The following LINS1 variants were observed in gnomAD, a reference collection of about 807,000 sequenced individuals.
LINS1 encodes protein Lines homolog 1.
A neutral mutation model predicts 41.6 loss-of-function variants in LINS1; 27 were observed. The observed-to-expected ratio is 0.65, with a 90% CI of 0.48 to 0.89. LINS1 has a LOEUF of 0.89. LINS1 is among the 40% of genes least tolerant of loss of function. LINS1 has a pLI of 0.00. For missense variants in LINS1, 955 were observed against 884.1 expected, an observed-to-expected ratio of 1.08 and a Z score of -1.02; for synonymous variants, 336 against 312.9, an observed-to-expected ratio of 1.07 and a Z score of -0.78.
rs781263458 is a variant in LINS1 at position 100,569,358 on chromosome 15, T to A, written c.2154A>T (p.Glu718Asp). The A allele has an allele frequency of 1.2e-6, 2 of 1,614,164 alleles. No homozygotes were observed. Among genetic ancestry groups the A allele is most frequent in the Admixed American group, 3.3e-5 (2 of 60,022 alleles). Reference protein sequence around the residue: ...IFYRIVKCFQELQDAICRLQK... With the variant: ...IFYRIVKCFQDLQDAICRLQK... ...GCAAACGGCAGATGGCATCTTGTAG[T>A]TCCTGGAAGCATTTTACTATTCTGT... Residue 718 changes from glutamate (E) to aspartate (D), a missense_variant, in exon 7 of 7, where the codon GAA (glutamate) becomes GAT (aspartate). Coordinates refer to ENST00000314742, the MANE Select transcript of LINS1 (RefSeq NM_001040616.3).
chr15:100,593,246 T>C (rs866928982), intron 1 of LINS1, among the ~76,000 whole-genome samples: 3 of 152,174 alleles, frequency 2.0e-5, no homozygotes, highest in South Asian at 2.1e-4. Context: ...GCAGTCTTAC[T>C]AGGTAAGTGA....
At chr15:100,585,609 G>A (rs750663193) in intron 1 of LINS1, among the ~76,000 whole-genome samples, 5 of 152,300 alleles carry the variant, frequency 3.3e-5, no homozygotes, top group South Asian at 4.1e-4. Context: ...TAAAACTGGC[G>A]AGCTTGTATT....
intron 1 of LINS1, among the ~76,000 whole-genome samples, chr15:100,595,366 A>T (rs2039200858): frequency 6.6e-6 from 1 of 152,172 alleles, no homozygotes; most frequent in African/African-American, 2.4e-5. Flanking sequence ...TACAAAATGG[A>T]TCAGACATGC....
intron 1 of LINS1, among the ~76,000 whole-genome samples, chr15:100,596,164 G>A (rs182032732): frequency 6.6e-6 from 1 of 152,162 alleles, no homozygotes; most frequent in African/African-American, 2.4e-5. Context: ...AGGGCTAAAG[G>A]GGGTGCTGGC....
At chr15:100,585,166 G>A (rs574623659) in intron 1 of LINS1, among the ~76,000 whole-genome samples, 75 of 152,324 alleles carry the variant, frequency 4.9e-4, no homozygotes, top group South Asian at 1.0e-3. Flanking sequence ...AACAGCACCA[G>A]TGACCACCTA....
intron 1 of LINS1, among the ~76,000 whole-genome samples, chr15:100,594,172 G>C (rs2039150398): frequency 6.6e-6 from 1 of 152,134 alleles, no homozygotes; most frequent in Non-Finnish European, 1.5e-5. Context: ...TGTGTAAATA[G>C]TTGTTACACT....
chr15:100,601,878 T>A (rs1476886173), intron 1 of LINS1, among the ~76,000 whole-genome samples: 1 of 152,128 alleles, frequency 6.6e-6, no homozygotes, highest in Non-Finnish European at 1.5e-5. Context: ...GAGAGTCCGT[T>A]CTCCCACTTC....
chr15:100,579,639 AG>A (rs1383178021), intron 3 of LINS1, among the ~76,000 whole-genome samples: 2 of 152,202 alleles, frequency 1.3e-5, no homozygotes, highest in Non-Finnish European at 2.9e-5. Context: ...AAGAGATTAT[AG>A]TTGAAAAGTC....
chr15:100,578,796 C>A (rs1005831655), intron 3 of LINS1, among the ~76,000 whole-genome samples: 6 of 152,074 alleles, frequency 3.9e-5, no homozygotes, highest in Non-Finnish European at 7.4e-5. Context: ...CAATGATAGA[C>A]TGGATTAAGA....
In LINS1 at chr15:100,569,729, C is replaced by T. The variant is rs748139359; in HGVS notation, c.1783G>A (p.Asp595Asn). The T allele has an allele frequency of 1.7e-5, 27 of 1,613,544 alleles. No homozygotes were observed. Among genetic ancestry groups the T allele is most frequent in the Non-Finnish European group, 1.4e-5 (16 of 1,179,758 alleles). Reference sequence around the variant, plus strand: ...GCTTTCAGTGGTTCAGAGGGAGCATCGGAAGCCCAGGAGTGCCGAGCACAC... The same window carrying T: ...GCTTTCAGTGGTTCAGAGGGAGCATTGGAAGCCCAGGAGTGCCGAGCACAC... ...DVCARHSWAS[D>N]APSEPLKAVM... Residue 595 changes from aspartate (D) to asparagine (N), a missense_variant, in exon 7 of 7, where the codon GAT becomes AAT. Asp to Asn is a conservative substitution (Grantham distance 23). Transcript: ENST00000314742.
chr15:100,584,886 G>A (rs1297963906), intron 1 of LINS1, among the ~76,000 whole-genome samples: 2 of 152,156 alleles, frequency 1.3e-5, no homozygotes, highest in Admixed American at 1.3e-4. Flanking sequence ...TCCCCTTTGG[G>A]TTTGATTAAT....
intron 3 of LINS1, among the ~76,000 whole-genome samples, chr15:100,575,938 G>A (rs1276587528): frequency 2.6e-5 from 4 of 152,174 alleles, no homozygotes; most frequent in Non-Finnish European, 5.9e-5. Flanking sequence ...GGTACATAAT[G>A]AAATGAAGGC....
chr15:100,572,125 C>T (rs1370187332), intron 5 of LINS1, 60 bp from the exon 6 acceptor site: 2 of 1,598,610 alleles, frequency 1.3e-6, no homozygotes, highest in East Asian at 2.3e-5. Flanking sequence ...GAATATCTTG[C>T]CTATATATAA....
At position 100,569,513 on chromosome 15, in the gene LINS1, T is replaced by A; in HGVS notation, c.1999A>T (p.Ser667Cys). The A allele has an allele frequency of 6.2e-7, 1 of 1,614,236 alleles. No homozygotes were observed. Among genetic ancestry groups the A allele is most frequent in the Non-Finnish European group, 8.5e-7 (1 of 1,180,042 alleles). ...AGGCTAAATTCTTTTTTATCCCTGCTTGTCCCAGCTGCATCCTGAATCTCC... is the reference window on the plus strand; with the variant it reads ...AGGCTAAATTCTTTTTTATCCCTGCATGTCCCAGCTGCATCCTGAATCTCC... ...TKEIQDAAGT[S>C]RDKKEFSLEP... Residue 667 changes from serine to cysteine, a missense_variant, in exon 7 of 7, where the codon AGC becomes TGC. Coordinates refer to ENST00000314742, the MANE Select transcript of LINS1 (RefSeq NM_001040616.3).
chr15:100,589,904 G>T (rs953415862), intron 1 of LINS1, among the ~76,000 whole-genome samples: 7 of 152,192 alleles, frequency 4.6e-5, no homozygotes, highest in African/African-American at 1.7e-4. Context: ...ATGGTTTGCT[G>T]AGGACAATCA....
In LINS1 at chr15:100,569,021, G is replaced by T; in HGVS notation, c.*217C>A. The T allele has an allele frequency of 2.5e-6, 1 of 406,932 alleles. No individual in the cohort carries two copies. The highest frequency in any genetic ancestry group is 4.5e-6 in the Non-Finnish European group (1 of 223,824). The allele number at this position is 406,932 out of a possible 1,614,324, so 25.2% of individuals were successfully genotyped here. ...CACCTGTAATTCCAGCTACTCGGGAGACTGAGGCAGGAGAATTGCTTGAAC... is the reference window on the plus strand; with the variant it reads ...CACCTGTAATTCCAGCTACTCGGGATACTGAGGCAGGAGAATTGCTTGAAC... On this transcript the variant is annotated 3_prime_UTR_variant, in exon 7 of 7. Transcript: ENST00000314742.
chr15:100,584,652 T>C (rs1449995946), intron 1 of LINS1, among the ~76,000 whole-genome samples: 3 of 151,860 alleles, frequency 2.0e-5, no homozygotes, highest in East Asian at 3.9e-4. Flanking sequence ...CTTCTGACCA[T>C]AGATATGTGA....
intron 1 of LINS1, among the ~76,000 whole-genome samples, chr15:100,595,041 C>T (rs1029520450): frequency 6.6e-6 from 1 of 152,090 alleles, no homozygotes; most frequent in African/African-American, 2.4e-5. Flanking sequence ...AAAATAACTC[C>T]AACCTTTTAC....
chr15:100,592,207 T>G (rs2039069815), intron 1 of LINS1, among the ~76,000 whole-genome samples: 1 of 152,212 alleles, frequency 6.6e-6, no homozygotes, highest in Non-Finnish European at 1.5e-5. Flanking sequence ...GGGGTGTACT[T>G]TCATTTTCAA....
Sources: gnomAD v4.1 joint callset for allele counts (sites outside exome capture counted in the v4.1 genomes callset) on GRCh38, gnomAD v4.1.1 for gene constraint, MANE v1.5 for transcripts, NCBI Gene and HGNC (gene_info 2026-07-23, HGNC 2026-07-21) for gene names.